The following GRINA variants were observed in gnomAD, a reference collection of about 807,000 sequenced individuals.
The protein encoded by GRINA is glutamate ionotropic receptor NMDA type subunit associated protein 1.
In GRINA, 26 loss-of-function variants were observed where a neutral mutation model predicts 42.5. That is an observed-to-expected ratio of 0.61 (90% CI 0.45 to 0.85). GRINA has a LOEUF of 0.85. Among genes scored for constraint, GRINA ranks in the 40% least tolerant of loss-of-function variants. The pLI is 0.00. For synonymous variants in GRINA, 256 were observed against 204.2 expected, an observed-to-expected ratio of 1.25 and a Z score of -2.17; for missense variants, 475 against 481.5, an observed-to-expected ratio of 0.99 and a Z score of 0.13.
Position 143,991,358 on chromosome 8 carries a change from C to A in GRINA, c.135C>A (p.Pro45=), listed in dbSNP as rs782607968. The change falls in exon 2 of 7, where the codon CCC becomes CCA. Residue 45 remains proline, a synonymous_variant. Transcript: ENST00000395068. The stretch of plus-strand genomic sequence containing the variant: ...ACCCTGGGGCCCCTTACCCACAGCC[C>A]CCTTTCCAGCCCTCCCCCTACGGTC... ...PPYPGAPYPQ[P]PFQPSPYGQP... is the part of the protein sequence containing the mutation. 3 of 1,243,206 alleles carry A rather than the reference C, an allele frequency of 2.4e-6. No individual in the cohort carries two copies. The highest frequency in any genetic ancestry group is 3.4e-6 in the Non-Finnish European group (3 of 893,678). 77.0% of individuals were successfully genotyped at this position (1,243,206 alleles called of 1,614,324 possible).
chr8:143,991,942 T>C lies in GRINA; in HGVS notation c.557T>C (p.Val186Ala). ...TCCACGGTGTCTGTGTTCACTTTTG[T>C]TGCGGAGGTGAAGGGCTTTGTCCGG... ...TLSTVSVFTF[V>A]AEVKGFVREN... Residue 186 changes from valine (V) to alanine (A), a missense_variant, in exon 4 of 7, where the codon GTT becomes GCT. Val to Ala is a moderately conservative substitution (Grantham distance 64). Coordinates refer to ENST00000395068, the MANE Select transcript of GRINA (RefSeq NM_001009184.2). The C allele has an allele frequency of 6.2e-7, 1 of 1,613,876 alleles. No individual in the cohort carries two copies. Among genetic ancestry groups the C allele is most frequent in the Non-Finnish European group, 8.5e-7 (1 of 1,179,860 alleles).
rs782716188 is a variant in GRINA at position 143,992,452 on chromosome 8, C to T, written c.823-13C>T. On this transcript the variant is annotated splice_polypyrimidine_tract_variant and intron_variant, in intron 5 of 6. Transcript: ENST00000395068. ...AGGCCCAGCCCCATGGCCCGTTCCT[C>T]TCCCACCTGCAGACCCGCTACGACT... The T allele has an allele frequency of 1.2e-6, 2 of 1,613,958 alleles. No individual in the cohort carries two copies. The highest frequency in any genetic ancestry group is 1.7e-5 in the Admixed American group (1 of 60,006).
In GRINA at chr8:143,991,956, G is replaced by T. The variant is rs79921712; in HGVS notation, c.571G>T (p.Gly191Cys). Residue 191 changes from glycine to cysteine, a missense_variant, in exon 4 of 7, where the codon GGC becomes TGC. Transcript: ENST00000395068. ...SVFTFVAEVK[G>C]FVRENVWTYY... ...GTTCACTTTTGTTGCGGAGGTGAAG[G>T]GCTTTGTCCGGGAGAATGTCTGGAC... 3 of 1,613,670 alleles carry T rather than the reference G, an allele frequency of 1.9e-6. No individual in the cohort carries two copies. In the African/African-American group the frequency reaches 4.0e-5, roughly 22 times the overall value.
In GRINA at chr8:143,992,445, C is replaced by G. The variant is rs370903755; in HGVS notation, c.823-20C>G. 1.5e-5 allele frequency: 24 copies of G among 1,613,856 alleles called. No homozygotes were observed. Among genetic ancestry groups the G allele is most frequent in the Non-Finnish European group, 1.8e-5 (21 of 1,180,004 alleles). ...CTTTCCCAGGCCCAGCCCCATGGCC[C>G]GTTCCTCTCCCACCTGCAGACCCGC... On this transcript the variant is annotated intron_variant, in intron 5 of 6. Transcript: ENST00000395068.
chr8:143,992,310 A>G lies in GRINA; in HGVS notation c.759A>G (p.Ala253=). ...TCGCCAGCTTCTACAACACCGAGGC[A>G]GTCATCATGGCCGTGGGCATCACCA... ...GMIASFYNTE[A]VIMAVGITTA... is the part of the protein sequence containing the mutation. Residue 253 remains alanine, a synonymous_variant, in exon 5 of 7, where the codon GCA becomes GCG. Transcript: ENST00000395068. 6.3e-7 allele frequency: 1 copy of G among 1,588,710 alleles called. No individual in the cohort carries two copies. Among genetic ancestry groups the G allele is most frequent in the Non-Finnish European group, 8.6e-7 (1 of 1,165,252 alleles).
rs1177674378 is a variant in GRINA at position 143,992,828 on chromosome 8, G to A, written c.1103G>A (p.Arg368His). ...CTGTACATCCTCACCATCATTGGCC[G>A]CGCCAAGGAGTAGCCGAGCTCCAGC... Reference protein sequence around the residue: ...IFLYILTIIGRAKE With the variant: ...IFLYILTIIGHAKE The change falls in exon 7 of 7, where the codon CGC (arginine) becomes CAC (histidine). Residue 368 changes from arginine (R) to histidine (H), a missense_variant. Arg to His is a conservative substitution (Grantham distance 29). Around this residue, in one of 2 missense-constraint regions of GRINA, gnomAD observed 154 missense variants for 214.2 expected, o/e 0.72. Coordinates refer to ENST00000395068, the MANE Select transcript of GRINA (RefSeq NM_001009184.2). 3.7e-6 allele frequency: 6 copies of A among 1,613,208 alleles called. No individual in the cohort carries two copies. The highest frequency in any genetic ancestry group is 5.1e-6 in the Non-Finnish European group (6 of 1,179,754).
In GRINA at chr8:143,992,242, C is replaced by T. The variant is rs781789043; in HGVS notation, c.694-3C>T. 1.2e-6 allele frequency: 2 copies of T among 1,603,948 alleles called. No individual in the cohort carries two copies. The highest frequency in any genetic ancestry group is 2.2e-5 in the South Asian group (2 of 89,674). On this transcript the variant is annotated splice_region_variant and splice_polypyrimidine_tract_variant and intron_variant, in intron 4 of 6. Coordinates refer to ENST00000395068, the MANE Select transcript of GRINA (RefSeq NM_001009184.2). ...AAGGTCAGCCTGTGTCTCCCAACTG[C>T]AGTCGGTCCTGACCGCCAGCCTGTC...
chr8:143,992,259 C>T lies in GRINA; in HGVS notation c.708C>T (p.Ala236=). Reference sequence around the variant, plus strand: ...CCCAACTGCAGTCGGTCCTGACCGCCAGCCTGTCGTACATGGTGGGGATGA... The same window carrying T: ...CCCAACTGCAGTCGGTCCTGACCGCTAGCCTGTCGTACATGGTGGGGATGA... ...WNLVALSVLT[A]SLSYMVGMIA... is the part of the protein sequence containing the mutation. Residue 236 remains alanine (A), a synonymous_variant, in exon 5 of 7, where the codon GCC becomes GCT. Transcript: ENST00000395068. 1 of 1,602,370 alleles carries T rather than the reference C, an allele frequency of 6.2e-7. No individual in the cohort carries two copies. The highest frequency in any genetic ancestry group is 8.5e-7 in the Non-Finnish European group (1 of 1,173,242).
In GRINA at chr8:143,991,183, TTGTC is replaced by T. The variant is rs1564257046; in HGVS notation, c.-24-11_-24-8del. 1 of 1,480,588 alleles carries T rather than the reference TTGTC, an allele frequency of 6.8e-7. No individual in the cohort carries two copies. Among genetic ancestry groups the T allele is most frequent in the Admixed American group, 2.3e-5 (1 of 44,074 alleles). 91.7% of individuals were successfully genotyped at this position (1,480,588 alleles called of 1,614,324 possible). ...GTCAAGCCAACTGTTCCACTGTTCC[TTGTC>T]TGTCTTCTCTAGGGGCGGACCGCGG... On this transcript the variant is annotated splice_polypyrimidine_tract_variant and intron_variant, in intron 1 of 6. Coordinates refer to ENST00000395068, the MANE Select transcript of GRINA (RefSeq NM_001009184.2).
In GRINA at chr8:143,991,311, C is replaced by A; in HGVS notation, c.88C>A (p.Pro30Thr). The change falls in exon 2 of 7, where the codon CCC becomes ACC. Residue 30 changes from proline (P) to threonine (T), a missense_variant. This residue lies in a region of GRINA where 321 missense variants were observed against 267.2 expected (regional missense o/e 1.20). Coordinates refer to ENST00000395068, the MANE Select transcript of GRINA (RefSeq NM_001009184.2). ...GYPGGPQPPM[P>T]PYAQPPYPGA... ...TCCGGGGGGGCCCCAGCCACCCATG[C>A]CCCCCTATGCTCAGCCTCCCTACCC... The A allele has an allele frequency of 7.2e-7, 1 of 1,395,550 alleles. No homozygotes were observed. Among genetic ancestry groups the A allele is most frequent in the Non-Finnish European group, 9.8e-7 (1 of 1,024,674 alleles). The allele number at this position is 1,395,550 out of a possible 1,614,324, so 86.4% of individuals were successfully genotyped here. A position where few individuals can be genotyped will look rare whatever the true frequency, so the allele number is the denominator to read the frequency against.
rs560551768 is a variant in GRINA, at chr8:143,991,296, C to G, written c.73C>G (p.Pro25Ala). The G allele has an allele frequency of 1.9e-5, 27 of 1,429,552 alleles. No homozygotes were observed. Among genetic ancestry groups the G allele is most frequent in the South Asian group, 1.6e-4 (12 of 75,714 alleles). The allele number at this position is 1,429,552 out of a possible 1,614,324, so 88.6% of individuals were successfully genotyped here. ...PPPNPGYPGG[P>A]QPPMPPYAQP... ...CCCCAACCCTGGATATCCGGGGGGG[C>G]CCCAGCCACCCATGCCCCCCTATGC... The change falls in exon 2 of 7, where the codon CCC becomes GCC. Residue 25 changes from proline (P) to alanine (A), a missense_variant. Physicochemically the swap from Pro to Ala is conservative, Grantham distance 27 (BLOSUM62 -1). Coordinates refer to ENST00000395068, the MANE Select transcript of GRINA (RefSeq NM_001009184.2).
rs782477140 is a variant in GRINA, at chr8:143,991,553, C to A, written c.330C>A (p.Pro110=). 6.3e-7 allele frequency: 1 copy of A among 1,580,434 alleles called. No individual in the cohort carries two copies. Among genetic ancestry groups the A allele is most frequent in the Non-Finnish European group, 8.6e-7 (1 of 1,156,168 alleles). The change falls in exon 2 of 7, where the codon CCC becomes CCA. Residue 110 remains proline (P), a synonymous_variant. Coordinates refer to ENST00000395068, the MANE Select transcript of GRINA (RefSeq NM_001009184.2). The stretch of plus-strand genomic sequence containing the variant: ...GGCCATATCCCCAGAGCCCCTTCCC[C>A]CCCAACCCCTATGGACAGCCACAGG... ...PQGPYPQSPF[P]PNPYGQPQVF... is the part of the protein sequence containing the mutation.
chr8:143,991,816 C>T lies in GRINA; in HGVS notation c.492+12C>T. On this transcript the variant is annotated intron_variant, in intron 3 of 6. Coordinates refer to ENST00000395068, the MANE Select transcript of GRINA (RefSeq NM_001009184.2). ...CCTTCATCCGCAAGGTGGGTAGGGG[C>T]ATCTCCAAGGCGGTGGGGGCTGTGG... 1 of 1,608,074 alleles carries T rather than the reference C, an allele frequency of 6.2e-7. No homozygotes were observed. Among genetic ancestry groups the T allele is most frequent in the Non-Finnish European group, 8.5e-7 (1 of 1,174,648 alleles).
chr8:143,992,032 G>C lies in GRINA; in HGVS notation c.647G>C (p.Cys216Ser). The change falls in exon 4 of 7, where the codon TGT becomes TCT. Residue 216 changes from cysteine (C) to serine (S), a missense_variant. Cys to Ser is a moderately radical substitution (Grantham distance 112). This residue lies in a region of GRINA where 154 missense variants were observed against 214.2 expected (regional missense o/e 0.72). Coordinates refer to ENST00000395068, the MANE Select transcript of GRINA (RefSeq NM_001009184.2). ...TTCATCTCTCTCATCGTCCTCAGCT[G>C]TTGTGGGGACTTCCGGCGAAAGCAC... ...VFFISLIVLS[C>S]CGDFRRKHPW... 1 of 1,613,972 alleles carries C rather than the reference G, an allele frequency of 6.2e-7. No homozygotes were observed. The highest frequency in any genetic ancestry group is 8.5e-7 in the Non-Finnish European group (1 of 1,179,932).
At chr8:143,991,114 C>G in intron 1 of GRINA, 86 bp from the exon 2 acceptor site, 2 of 702,540 alleles carry the variant, frequency 2.8e-6, no homozygotes, top group Non-Finnish European at 4.7e-6. Context: ...CCCTGGGTTC[C>G]CAGAAGCAGG....
intron 1 of GRINA, 40 bp from the exon 2 acceptor site, chr8:143,991,160 C>T: frequency 8.3e-7 from 1 of 1,201,500 alleles, no homozygotes; most frequent in Non-Finnish European, 1.2e-6. Context: ...ACGCTGTCGT[C>T]AAGCCAACTG....
chr8:143,991,751 T>C lies in GRINA; in HGVS notation c.439T>C (p.Phe147Leu), dbSNP rs1554750545. Residue 147 changes from phenylalanine to leucine, a missense_variant, in exon 3 of 7, where the codon TTC becomes CTC. Coordinates refer to ENST00000395068, the MANE Select transcript of GRINA (RefSeq NM_001009184.2). ...CCCATCCTACTATGACAACCAGGAC[T>C]TCCCTGCCACCAACTGGGATGACAA... ...GPPSYYDNQDFPATNWDDKSI... is the reference protein window; with the variant it reads ...GPPSYYDNQDLPATNWDDKSI... 6.2e-7 allele frequency: 1 copy of C among 1,613,796 alleles called. No homozygotes were observed. The highest frequency in any genetic ancestry group is 1.3e-5 in the African/African-American group (1 of 74,904).
rs782246114 is a variant in GRINA at position 143,991,512 on chromosome 8, G to C, written c.289G>C (p.Gly97Arg). The C allele has an allele frequency of 1.2e-4, 178 of 1,544,618 alleles. No individual in the cohort carries two copies. Among genetic ancestry groups the C allele is most frequent in the Non-Finnish European group, 1.5e-4 (168 of 1,147,412 alleles). ...CTACCCACAGGGCCCCTACCCCCAA[G>C]GGGGCTACCCCCAGGGGCCATATCC... ...EGYPQGPYPQ[G>R]GYPQGPYPQS... The change falls in exon 2 of 7, where the codon GGG (glycine) becomes CGG (arginine). Residue 97 changes from glycine (G) to arginine (R), a missense_variant. Transcript: ENST00000395068.
Position 143,992,385 on chromosome 8 carries a change from C to T in GRINA, c.822+12C>T. 1 of 1,608,160 alleles carries T rather than the reference C, an allele frequency of 6.2e-7. No homozygotes were observed. The highest frequency in any genetic ancestry group is 8.5e-7 in the Non-Finnish European group (1 of 1,175,684). On this transcript the variant is annotated intron_variant, in intron 5 of 6. Coordinates refer to ENST00000395068, the MANE Select transcript of GRINA (RefSeq NM_001009184.2). The stretch of plus-strand genomic sequence containing the variant: ...TCTTCTCCATGCAGGTGAGGGGCCT[C>T]CCGTGGCTGGGCTGTGGCCGCAGGG...
Sources: allele counts gnomAD v4.1 joint callset, GRCh38; gene constraint gnomAD v4.1.1; regional missense constraint gnomAD v4.1.1; transcripts MANE v1.5; gene names NCBI Gene and HGNC (gene_info 2026-07-23, HGNC 2026-07-21).